Variants in STRN observed in about 807,000 individuals in gnomAD.
STRN encodes striatin, also known as protein phosphatase 2 regulatory subunit B'''alpha.
Under a neutral mutation model 96.3 loss-of-function variants are expected in STRN, and 53 were observed. The ratio of observed to expected loss-of-function variants is 0.55; its 90% CI spans 0.44 to 0.69. The LOEUF (loss-of-function observed/expected upper bound fraction) is 0.69. STRN is among the 30% of genes least tolerant of loss of function. The pLI, the probability that STRN is intolerant of heterozygous loss-of-function variation, is 0.00. For missense variants in STRN, 987 were observed against 963.9 expected (o/e 1.02, Z -0.32); for synonymous variants, 428 against 355.9 (o/e 1.20, Z -2.28).
intron 12 of STRN, among the ~76,000 whole-genome samples, chr2:36,862,476 T>A (rs1395610438): frequency 1.3e-5 from 2 of 152,212 alleles, no homozygotes; most frequent in East Asian, 3.8e-4. Flanking sequence ...CATTGTGGTC[T>A]TGATTTGCAT....
intron 1 of STRN, among the ~76,000 whole-genome samples, chr2:36,926,056 A>G (rs369632923): frequency 6.6e-6 from 1 of 152,180 alleles, no homozygotes; most frequent in African/African-American, 2.4e-5. Context: ...CATGTAATCC[A>G]TAGAAAAAAG....
chr2:36,950,217 T>G (rs1170511207), intron 1 of STRN, among the ~76,000 whole-genome samples: 13 of 144,588 alleles, frequency 9.0e-5, no homozygotes, highest in African/African-American at 3.3e-4. Flanking sequence ...GGTTTTGTTT[T>G]TTTTTTTTTT....
intron 1 of STRN, among the ~76,000 whole-genome samples, chr2:36,951,054 A>G (rs1664740770): frequency 6.6e-6 from 1 of 152,236 alleles, no homozygotes; most frequent in Non-Finnish European, 1.5e-5. Flanking sequence ...AGATTTATCT[A>G]CAAGAAAAAA....
chr2:36,902,855 T>C (rs557506000), intron 4 of STRN, 104 bp from the exon 5 acceptor site: 6 of 961,298 alleles, frequency 6.2e-6, no homozygotes, highest in Admixed American at 2.4e-5. Flanking sequence ...TGCATAAGAC[T>C]TAACAGTACA....
intron 9 of STRN, among the ~76,000 whole-genome samples, chr2:36,882,933 C>T (rs1438606899): frequency 1.3e-5 from 2 of 152,132 alleles, no homozygotes; most frequent in East Asian, 3.9e-4. Flanking sequence ...GACCTTGTGT[C>T]TAAAAGAAAG....
At chr2:36,861,094 C>A (rs1053752721) in intron 13 of STRN, 38 bp downstream of exon 13, 20 of 1,599,858 alleles carry the variant, frequency 1.3e-5, no homozygotes, top group East Asian at 2.2e-5. Flanking sequence ...GTTTAAAAAA[C>A]CAATTTTATT....
intron 10 of STRN, among the ~76,000 whole-genome samples, chr2:36,872,378 T>G (rs193067917): frequency 1.3e-5 from 2 of 152,146 alleles, no homozygotes; most frequent in Admixed American, 6.5e-5. Context: ...CAGGAAGAGC[T>G]TGAAAGCAGA....
At chr2:36,855,870 T>C (rs1397216761) in intron 14 of STRN, among the ~76,000 whole-genome samples, 1 of 152,170 alleles carries the variant, frequency 6.6e-6, no homozygotes, top group East Asian at 1.9e-4. Flanking sequence ...ACAGAAGGTA[T>C]TTTTATTTAC....
chr2:36,875,654 A>T (rs1384773492), intron 10 of STRN, among the ~76,000 whole-genome samples: 1 of 111,154 alleles, frequency 9.0e-6, no homozygotes, highest in Non-Finnish European at 1.7e-5. Flanking sequence ...TTGGAAATAG[A>T]AATGATTTTT....
intron 10 of STRN, among the ~76,000 whole-genome samples, chr2:36,874,490 G>T (rs997463332): frequency 6.6e-6 from 1 of 152,006 alleles, no homozygotes; most frequent in African/African-American, 2.4e-5. Context: ...TACTCGAAGA[G>T]AAATGGCTGA....
rs1230507805 is a variant in STRN, at chr2:36,893,846, A to C, written c.931+52T>G. On this transcript the variant is annotated intron_variant, in intron 7 of 17. Coordinates refer to ENST00000263918, the MANE Select transcript of STRN (RefSeq NM_003162.4). ...GATGTTGCCCTCCTGGTAAAATATT[A>C]ATTTCTTTTATTTACTTAACATCTC... 5.8e-6 allele frequency: 9 copies of C among 1,542,084 alleles called. No individual in the cohort carries two copies. The East Asian group carries it at 1.8e-4, about 32-fold the overall frequency.
At chr2:36,948,279 T>G (rs1435439884) in intron 1 of STRN, among the ~76,000 whole-genome samples, 6 of 151,698 alleles carry the variant, frequency 4.0e-5, no homozygotes, top group East Asian at 1.9e-4. Flanking sequence ...TTTTTGTACT[T>G]TAGTAGAGAC....
intron 8 of STRN, among the ~76,000 whole-genome samples, chr2:36,885,796 A>C (rs753254469): frequency 9.2e-5 from 14 of 152,150 alleles, no homozygotes; most frequent in Non-Finnish European, 1.9e-4. Context: ...TCGCAACTTT[A>C]AAATACATTT....
rs1167729164 is a variant in STRN at position 36,875,170 on chromosome 2, A to G, written c.1323+2721T>C. The stretch of plus-strand genomic sequence containing the variant: ...GGTACCCACTGAAGAGTAGCAAAAG[A>G]GTGTAGAAATTCCAAGTAGTAGAAA... On this transcript the variant is annotated intron_variant, in intron 10 of 17. Coordinates refer to ENST00000263918, the MANE Select transcript of STRN (RefSeq NM_003162.4). Among the ~76,000 whole-genome samples the G allele has an allele frequency of 4.6e-5, 7 of 152,244 alleles. No homozygotes were observed. The East Asian group carries it at 7.7e-4, about 17-fold the overall frequency.
At chr2:36,867,697 A>C in intron 12 of STRN, 117 bp downstream of exon 12, 2 of 611,484 alleles carry the variant, frequency 3.3e-6, no homozygotes, top group Non-Finnish European at 5.2e-6. Context: ...ATTCTTTTAC[A>C]TTAAAAAAAC....
At chr2:36,916,617 A>T (rs1214833178) in intron 2 of STRN, among the ~76,000 whole-genome samples, 3 of 152,182 alleles carry the variant, frequency 2.0e-5, no homozygotes, top group Non-Finnish European at 4.4e-5. Context: ...GATAATCATG[A>T]TTTGCCAAAT....
chr2:36,951,657 ATTCAT>A (rs1464552557), intron 1 of STRN, among the ~76,000 whole-genome samples: 1 of 152,228 alleles, frequency 6.6e-6, no homozygotes, highest in African/African-American at 2.4e-5. Flanking sequence ...TATATGATTC[ATTCAT>A]TTAAGAACCA....
At chr2:36,943,673 A>G (rs967833260) in intron 1 of STRN, among the ~76,000 whole-genome samples, 2 of 151,874 alleles carry the variant, frequency 1.3e-5, no homozygotes, top group Non-Finnish European at 2.9e-5. Context: ...GCGTGGTGGC[A>G]CACTCCTGTA....
chr2:36,917,333 C>T (rs1386664193), intron 2 of STRN, among the ~76,000 whole-genome samples: 2 of 151,208 alleles, frequency 1.3e-5, no homozygotes, highest in African/African-American at 4.8e-5. Flanking sequence ...ATCAGCCTGG[C>T]TAACATGGTG....
Sources: allele counts gnomAD v4.1 joint callset (sites outside exome capture counted in the v4.1 genomes callset), GRCh38; gene constraint gnomAD v4.1.1; transcripts MANE v1.5; gene names NCBI Gene and HGNC (gene_info 2026-07-23, HGNC 2026-07-21).